Variants in PTPRD observed in about 807,000 individuals in gnomAD.
PTPRD encodes protein tyrosine phosphatase receptor type D, also known as receptor-type tyrosine-protein phosphatase delta.
Under a neutral mutation model 214.5 loss-of-function variants are expected in PTPRD, and 34 were observed. The observed-to-expected ratio is 0.16, with a 90% CI of 0.12 to 0.21. The LOEUF is 0.21. PTPRD is among the 10% of genes least tolerant of loss of function. The pLI, the probability that PTPRD is intolerant of heterozygous loss-of-function variation, is 1.00. For synonymous variants in PTPRD, 1,128 were observed against 845.7 expected (o/e 1.33, Z -5.79); for missense variants, 2,545 against 2,398.7 (o/e 1.06, Z -1.27).
At chr9:8,825,119 A>T (rs2097149879) in intron 11 of PTPRD, among the ~76,000 whole-genome samples, 1 of 152,104 alleles carries the variant, frequency 6.6e-6, no homozygotes, top group Admixed American at 6.6e-5. Context: ...GAGTTGGGTA[A>T]ATTTCTTTCT....
chr9:8,735,348 T>C (rs1425565478), intron 11 of PTPRD, among the ~76,000 whole-genome samples: 1 of 151,628 alleles, frequency 6.6e-6, no homozygotes, highest in Non-Finnish European at 1.5e-5. Context: ...TTCACCATGT[T>C]AACCAAGCTG....
chr9:8,357,712 C>G (rs146902172), intron 39 of PTPRD, among the ~76,000 whole-genome samples: 4 of 152,198 alleles, frequency 2.6e-5, no homozygotes, highest in African/African-American at 9.6e-5. Flanking sequence ...TCTTTGCAGA[C>G]TTAATCTACC....
chr9:9,268,937 A>C (rs1200976678), intron 9 of PTPRD, among the ~76,000 whole-genome samples: 1 of 151,010 alleles, frequency 6.6e-6, no homozygotes, highest in East Asian at 2.0e-4. Context: ...GCTCCATGAC[A>C]CAGGTCTGGG....
chr9:9,150,077 C>T (rs948026757), intron 10 of PTPRD, among the ~76,000 whole-genome samples: 20 of 152,106 alleles, frequency 1.3e-4, no homozygotes, highest in South Asian at 4.1e-4. Context: ...TAACATGTGA[C>T]GCTATTGAAA....
At chr9:8,725,055 T>C (rs986304981) in intron 12 of PTPRD, among the ~76,000 whole-genome samples, 1 of 152,228 alleles carries the variant, frequency 6.6e-6, no homozygotes, top group African/African-American at 2.4e-5. Context: ...GTTTTGATAA[T>C]GTACTGTCAT....
chr9:10,468,563 G>A (rs564023494), intron 2 of PTPRD, among the ~76,000 whole-genome samples: 1 of 151,968 alleles, frequency 6.6e-6, no homozygotes, highest in South Asian at 2.1e-4. Context: ...TGGGTTGATG[G>A]GTGCAGCAAA....
chr9:8,466,787 T>G (rs1405301841), intron 31 of PTPRD, among the ~76,000 whole-genome samples: 2 of 151,872 alleles, frequency 1.3e-5, no homozygotes, highest in Non-Finnish European at 2.9e-5. Context: ...TAAACAAAAT[T>G]AAGATACTTA....
At chr9:10,584,420 C>T (rs1343651344) in intron 2 of PTPRD, among the ~76,000 whole-genome samples, 1 of 152,108 alleles carries the variant, frequency 6.6e-6, no homozygotes, top group Non-Finnish European at 1.5e-5. Flanking sequence ...TTTGCAGTAG[C>T]CTCTAGATTT....
rs1042948811 is a variant in PTPRD, at chr9:10,119,018, C to A, written c.-544-85228G>T. 1.2e-4 allele frequency among the ~76,000 whole-genome samples: 18 copies of A among 151,602 alleles called. No individual in the cohort carries two copies. The East Asian group carries it at 2.7e-3, about 23-fold the overall frequency. On this transcript the variant is annotated intron_variant, in intron 3 of 45. Transcript: ENST00000381196. Reference sequence around the variant, plus strand: ...TCATTTAGAAAATAGTAAAACAAATCCAAACAAAATAAAATAGACTAACCA... The same window carrying A: ...TCATTTAGAAAATAGTAAAACAAATACAAACAAAATAAAATAGACTAACCA...
chr9:8,666,391 T>A (rs1359373991), intron 12 of PTPRD, among the ~76,000 whole-genome samples: 2 of 152,154 alleles, frequency 1.3e-5, no homozygotes, highest in East Asian at 3.9e-4. Flanking sequence ...GTTATTTTCC[T>A]GGGATAATCC....
chr9:8,362,670 C>T (rs893405197), intron 39 of PTPRD, among the ~76,000 whole-genome samples: 5 of 152,132 alleles, frequency 3.3e-5, no homozygotes, highest in African/African-American at 1.2e-4. Context: ...AAACCAATCA[C>T]CATCATCATA....
At chr9:10,043,310 A>G (rs1183775946) in intron 3 of PTPRD, among the ~76,000 whole-genome samples, 1 of 151,954 alleles carries the variant, frequency 6.6e-6, no homozygotes, top group Non-Finnish European at 1.5e-5. Context: ...AAGGTAGCAT[A>G]TCCATTGCTT....
intron 2 of PTPRD, among the ~76,000 whole-genome samples, chr9:10,579,230 C>T (rs984860049): frequency 5.9e-5 from 9 of 152,160 alleles, no homozygotes; most frequent in African/African-American, 1.9e-4. Flanking sequence ...AACAGAAAAT[C>T]AAACATCACA....
At chr9:9,716,042 C>T (rs893737164) in intron 7 of PTPRD, among the ~76,000 whole-genome samples, 1 of 151,874 alleles carries the variant, frequency 6.6e-6, no homozygotes, top group Middle Eastern at 3.4e-3. Context: ...TGTGATGTCC[C>T]CCTTCCTGTG....
intron 39 of PTPRD, among the ~76,000 whole-genome samples, chr9:8,360,592 C>A (rs1004436215): frequency 6.6e-6 from 1 of 152,092 alleles, no homozygotes; most frequent in African/African-American, 2.4e-5. Flanking sequence ...AAGGAGATAC[C>A]ATACTCTATA....
At chr9:9,100,217 A>C (rs537759122) in intron 10 of PTPRD, among the ~76,000 whole-genome samples, 120 of 152,242 alleles carry the variant, frequency 7.9e-4, no homozygotes, top group African/African-American at 2.8e-3. Context: ...ACCATAATTC[A>C]AAAACATATC....
At position 9,195,107 on chromosome 9, in the gene PTPRD, T is replaced by TATATATATATATATAC. The variant is rs58832794; in HGVS notation, c.-202-11745_-202-11744insGTATATATATATATAT. Among the ~76,000 whole-genome samples the TATATATATATATATAC allele has an allele frequency of 6.0e-3, 843 of 140,976 alleles. 3 individuals are homozygous for TATATATATATATATAC. The highest frequency in any genetic ancestry group is 0.022 in the Middle Eastern group (6 of 274). 92.5% of individuals were successfully genotyped at this position (140,976 alleles called of 152,430 possible). A position where few individuals can be genotyped will look rare whatever the true frequency, so the allele number is the denominator to read the frequency against. On this transcript the variant is annotated intron_variant, in intron 9 of 45. Coordinates refer to ENST00000381196, the MANE Select transcript of PTPRD (RefSeq NM_002839.4). ...TTGTGTATATATATATATATATATA[T>TATATATATATATATAC]ACACACACACACATATACATACATA...
Position 9,244,432 on chromosome 9 carries a change from T to A in PTPRD, c.-202-61069A>T, listed in dbSNP as rs557893317. On this transcript the variant is annotated intron_variant, in intron 9 of 45. Transcript: ENST00000381196. ...CAAAACACCATGGTACTGGTACCAA[T>A]ACAGAGATATAGACCAATGGAACAG... Among the ~76,000 whole-genome samples, 1,136 of 152,090 alleles carry A rather than the reference T, an allele frequency of 7.5e-3. 15 individuals carry two copies. Among genetic ancestry groups the A allele is most frequent in the African/African-American group, 0.026 (1,087 of 41,492 alleles).
At chr9:9,664,614 A>G (rs1336534817) in intron 7 of PTPRD, among the ~76,000 whole-genome samples, 1 of 151,740 alleles carries the variant, frequency 6.6e-6, no homozygotes, top group Non-Finnish European at 1.5e-5. Flanking sequence ...CAAAAGTTAG[A>G]CAATTCATTT....
Sources: allele counts gnomAD v4.1 joint callset (sites outside exome capture counted in the v4.1 genomes callset), GRCh38; gene constraint gnomAD v4.1.1; transcripts MANE v1.5; gene names NCBI Gene and HGNC (gene_info 2026-07-23, HGNC 2026-07-21).